Variants in ANKRD12 observed in about 807,000 individuals in gnomAD.
ANKRD12 encodes ankyrin repeat domain-containing protein 12.
Under a neutral mutation model 183.4 loss-of-function variants are expected in ANKRD12, and 85 were observed. That is an observed-to-expected ratio of 0.46 (90% CI 0.39 to 0.56). ANKRD12 has a LOEUF of 0.56. ANKRD12 is among the 20% of genes least tolerant of loss of function. ANKRD12 has a pLI of 0.00. For synonymous variants in ANKRD12, 914 were observed against 800.2 expected (o/e 1.14, Z -2.40); for missense variants, 2,405 against 2,357.1 (o/e 1.02, Z -0.42).
intron 8 of ANKRD12, among the ~76,000 whole-genome samples, chr18:9,231,423 G>A (rs1446779060): frequency 2.0e-5 from 3 of 152,104 alleles, no homozygotes; most frequent in African/African-American, 7.2e-5. Flanking sequence ...GGGTACTGCA[G>A]TGTTGGGTTC....
chr18:9,138,327 A>G (rs773281842), intron 1 of ANKRD12, among the ~76,000 whole-genome samples: 1 of 152,198 alleles, frequency 6.6e-6, no homozygotes, highest in Non-Finnish European at 1.5e-5. Context: ...AGCCTGACCA[A>G]TATAGTGAAA....
At chr18:9,212,693 C>T (rs998527746) in intron 6 of ANKRD12, among the ~76,000 whole-genome samples, 1 of 151,574 alleles carries the variant, frequency 6.6e-6, no homozygotes, top group African/African-American at 2.4e-5. Context: ...TTGCCCCCCC[C>T]AAAATTCTGT....
At chr18:9,278,478 A>C (rs1478100973) in intron 11 of ANKRD12, among the ~76,000 whole-genome samples, 1 of 152,236 alleles carries the variant, frequency 6.6e-6, no homozygotes, top group South Asian at 2.1e-4. Context: ...AACTTGGGGC[A>C]CCAATGAAGA....
At chr18:9,197,637 A>G (rs2034919291) in intron 3 of ANKRD12, among the ~76,000 whole-genome samples, 1 of 152,200 alleles carries the variant, frequency 6.6e-6, no homozygotes, top group African/African-American at 2.4e-5. Flanking sequence ...ATTATTATAT[A>G]CTGTACTCTT....
At chr18:9,280,725 G>C (rs552431071) in intron 12 of ANKRD12, among the ~76,000 whole-genome samples, 215 of 152,176 alleles carry the variant, frequency 1.4e-3, no homozygotes, top group Non-Finnish European at 2.3e-3. Context: ...GGAGGCGGAG[G>C]TTGCAGTGAG....
chr18:9,208,184 A>G (rs1197819201), intron 4 of ANKRD12, among the ~76,000 whole-genome samples: 1 of 152,214 alleles, frequency 6.6e-6, no homozygotes, highest in East Asian at 1.9e-4. Flanking sequence ...TCTGTGTGAT[A>G]AGACTTGTCT....
chr18:9,245,387 G>T (rs1239351930), intron 8 of ANKRD12, among the ~76,000 whole-genome samples: 2 of 152,014 alleles, frequency 1.3e-5, no homozygotes, highest in Non-Finnish European at 2.9e-5. Flanking sequence ...GGAGGTTGAG[G>T]CTACAGTGAG....
intron 1 of ANKRD12, among the ~76,000 whole-genome samples, chr18:9,146,011 A>C (rs1381820203): frequency 6.6e-6 from 1 of 152,226 alleles, no homozygotes; most frequent in Non-Finnish European, 1.5e-5. Context: ...ATATGAGTTC[A>C]GGGAAAAGGA....
Position 9,255,976 on chromosome 18 carries a change from TAGAGAAAAGA to T in ANKRD12, c.2710_2719del (p.Arg904TrpfsTer16). On this transcript the variant is annotated frameshift_variant, in exon 9 of 13. Coordinates refer to ENST00000262126, the MANE Select transcript of ANKRD12 (RefSeq NM_015208.5). LOFTEE classifies it high-confidence loss of function. Reference sequence around the variant, plus strand: ...AAAAAACTGACGACAGAGAGAAAAGTAGAGAAAAGATGGATAGGAAACATGACAAAGAAAA... The same window carrying T: ...AAAAAACTGACGACAGAGAGAAAAGTTGGATAGGAAACATGACAAAGAAAA... The T allele has an allele frequency of 6.4e-7, 1 of 1,553,246 alleles. No individual in the cohort carries two copies. The highest frequency in any genetic ancestry group is 8.6e-7 in the Non-Finnish European group (1 of 1,158,440).
chr18:9,176,090 T>C (rs1228507117), intron 1 of ANKRD12, among the ~76,000 whole-genome samples: 1 of 152,228 alleles, frequency 6.6e-6, no homozygotes, highest in African/African-American at 2.4e-5. Context: ...TGTTTTTTGA[T>C]TCTGCTGGTC....
rs576647084 is a variant in ANKRD12, at chr18:9,258,098, T to A, written c.4831T>A (p.Tyr1611Asn). ...NTHYAFSKLT[Y>N]KSSSGHEVEN... is the part of the protein sequence containing the mutation. ...ACATTATGCATTTAGCAAACTAACT[T>A]ACAAGTCTTCCAGTGGCCATGAAGT... Residue 1611 changes from tyrosine to asparagine, a missense_variant, in exon 9 of 13, where the codon TAC becomes AAC. Physicochemically the swap from Tyr to Asn is moderately radical, Grantham distance 143. Around this residue, in one of 7 missense-constraint regions of ANKRD12, gnomAD observed 1,983 missense variants for 1,725.9 expected, o/e 1.15. Transcript: ENST00000262126. 27 of 1,613,304 alleles carry A rather than the reference T, an allele frequency of 1.7e-5. No individual in the cohort carries two copies. Among genetic ancestry groups the A allele is most frequent in the Non-Finnish European group, 2.2e-5 (26 of 1,179,946 alleles).
At chr18:9,205,345 CTAAG>C (rs2035424790) in intron 4 of ANKRD12, among the ~76,000 whole-genome samples, 2 of 151,702 alleles carry the variant, frequency 1.3e-5, no homozygotes, top group Admixed American at 6.6e-5. Context: ...CCCTGGGTGT[CTAAG>C]TGTCTAGTTT....
intron 1 of ANKRD12, among the ~76,000 whole-genome samples, chr18:9,157,595 A>ATATATATATATATATATATATATATATG (rs1555707939): frequency 7.9e-5 from 9 of 113,850 alleles, no homozygotes; most frequent in South Asian, 2.7e-4. Context: ...GTATATATAT[A>ATATATATATATATATATATATATATATG]TATATGTATT....
intron 8 of ANKRD12, among the ~76,000 whole-genome samples, chr18:9,240,144 C>T (rs2037577678): frequency 6.6e-6 from 1 of 152,160 alleles, no homozygotes; most frequent in African/African-American, 2.4e-5. Flanking sequence ...AAACAATTTG[C>T]AGGTTTGCCT....
intron 8 of ANKRD12, among the ~76,000 whole-genome samples, chr18:9,241,346 T>C (rs748194343): frequency 1.3e-5 from 2 of 152,200 alleles, no homozygotes; most frequent in Non-Finnish European, 2.9e-5. Context: ...ATGTAAATAG[T>C]ATTTTATTTT....
rs75580377 is a variant in ANKRD12 at position 9,239,823 on chromosome 18, A to G, written c.944-14388A>G. Among the ~76,000 whole-genome samples the G allele has an allele frequency of 1.5e-3, 228 of 152,358 alleles. 1 individual carries two copies. In the East Asian group the frequency reaches 0.03, roughly 20 times the overall value. ...TGAAAGTTAAAGAATAACCAAGATT[A>G]TTAATTTCAGAACTTAATAAATTTG... On this transcript the variant is annotated intron_variant, in intron 8 of 12. Transcript: ENST00000262126.
chr18:9,164,161 C>T (rs1212223701), intron 1 of ANKRD12, among the ~76,000 whole-genome samples: 1 of 152,102 alleles, frequency 6.6e-6, no homozygotes, highest in Non-Finnish European at 1.5e-5. Flanking sequence ...GTGGGTTTGT[C>T]ATATATGGCT....
chr18:9,270,906 G>A (rs781525341), intron 10 of ANKRD12, among the ~76,000 whole-genome samples: 22 of 152,134 alleles, frequency 1.4e-4, no homozygotes, highest in Admixed American at 4.6e-4. Flanking sequence ...TGACTGATAC[G>A]AGAACAAACA....
At chr18:9,171,166 G>T (rs71362071) in intron 1 of ANKRD12, among the ~76,000 whole-genome samples, 2 of 152,146 alleles carry the variant, frequency 1.3e-5, no homozygotes, top group African/African-American at 4.8e-5. Flanking sequence ...CCCACTTGAG[G>T]AGGCAGTCTG....
Sources: allele counts gnomAD v4.1 joint callset (sites outside exome capture counted in the v4.1 genomes callset), GRCh38; gene constraint gnomAD v4.1.1; regional missense constraint gnomAD v4.1.1; transcripts MANE v1.5; gene names NCBI Gene and HGNC (gene_info 2026-07-23, HGNC 2026-07-21).